VPS54: variants seen among roughly 807,000 people sequenced by gnomAD.
The protein encoded by VPS54 is vacuolar protein sorting-associated protein 54.
A neutral mutation model predicts 121.5 loss-of-function variants in VPS54; 45 were observed. The ratio of observed to expected loss-of-function variants is 0.37; its 90% CI spans 0.29 to 0.47. VPS54 has a LOEUF of 0.47. VPS54 is among the 20% of genes least tolerant of loss of function. The probability of loss-of-function intolerance (pLI) is 0.99; values close to 1 mark genes in which losing one functional copy is unlikely to be tolerated. For missense variants in VPS54, 1,090 were observed against 1,131.4 expected (o/e 0.96, Z 0.52); for synonymous variants, 371 against 385.8 (o/e 0.96, Z 0.45).
At chr2:63,931,232 T>C (rs1019654554) in intron 12 of VPS54, among the ~76,000 whole-genome samples, 1 of 152,174 alleles carries the variant, frequency 6.6e-6, no homozygotes, top group South Asian at 2.1e-4. Flanking sequence ...GCTGGAGGCA[T>C]CATGCTACCT....
rs754223132 is a variant in VPS54, at chr2:63,933,758, C to A, written c.1654G>T (p.Val552Leu). ...TCAGTAGTACATTCTGGCTCGGATA[C>A]AGAATCACTGCTGCAGGGCTCACTA... is the stretch of plus-strand genomic sequence containing the variant. ...PNSEPCSSDS[V>L]SEPECTTDSS... is the part of the protein sequence containing the mutation. Residue 552 changes from valine to leucine, a missense_variant, in exon 12 of 23, where the codon GTA (valine) becomes TTA (leucine). Physicochemically the swap from Val to Leu is conservative, Grantham distance 32. Coordinates refer to ENST00000272322, the MANE Select transcript of VPS54 (RefSeq NM_016516.3). 7 of 1,613,868 alleles carry A rather than the reference C, an allele frequency of 4.3e-6. No homozygotes were observed. In the South Asian group the frequency reaches 6.6e-5, roughly 15 times the overall value.
At chr2:64,010,868 T>C (rs957666316) in intron 1 of VPS54, among the ~76,000 whole-genome samples, 2 of 152,180 alleles carry the variant, frequency 1.3e-5, no homozygotes, top group African/African-American at 4.8e-5. Flanking sequence ...TAAAGAAGTA[T>C]GGAAGAGGCT....
chr2:63,949,541 A>G (rs1267727309), intron 7 of VPS54, among the ~76,000 whole-genome samples: 1 of 152,238 alleles, frequency 6.6e-6, no homozygotes. Flanking sequence ...CATATACTAT[A>G]TTCTTACAAT....
chr2:63,967,015 T>C (rs999189771), intron 5 of VPS54, among the ~76,000 whole-genome samples: 5 of 152,222 alleles, frequency 3.3e-5, no homozygotes, highest in African/African-American at 9.6e-5. Context: ...TACTTAATTA[T>C]TTACCTCATA....
intron 3 of VPS54, chr2:63,975,530 C>T (rs6546042): frequency 0.74 from 114,403 of 153,570 alleles, 44,233 homozygotes; most frequent in African/African-American, 0.91. Context: ...ACCCTGTACT[C>T]GACGGATCAG....
At chr2:63,945,814 C>A (rs1352619437) in intron 9 of VPS54, among the ~76,000 whole-genome samples, 1 of 152,096 alleles carries the variant, frequency 6.6e-6, no homozygotes, top group Non-Finnish European at 1.5e-5. Flanking sequence ...AGTTACATTT[C>A]CTTGTGATAC....
At chr2:63,968,833 GC>G in intron 5 of VPS54, 123 bp downstream of exon 5, 1 of 738,104 alleles carries the variant, frequency 1.4e-6, no homozygotes, top group South Asian at 1.6e-5. Context: ...ATGCAACACA[GC>G]CCCACAAGAG....
intron 10 of VPS54, 119 bp from the exon 11 acceptor site, chr2:63,942,680 G>T: frequency 1.3e-6 from 1 of 769,958 alleles, no homozygotes; most frequent in Non-Finnish European, 2.0e-6. Context: ...ATTTCATCTA[G>T]ATACCTAACT....
chr2:63,899,524 T>C lies in VPS54; in HGVS notation c.2683A>G (p.Thr895Ala), dbSNP rs147579709. Reference sequence around the variant, plus strand: ...TCAAATATAGCTTCGTGCATTTTTGTCATTTGCTTACAAATATTCCTGAAA... The same window carrying C: ...TCAAATATAGCTTCGTGCATTTTTGCCATTTGCTTACAAATATTCCTGAAA... ...ACFRNICKQMTKMHEAIFDLL... is the reference protein window; with the variant it reads ...ACFRNICKQMAKMHEAIFDLL... The change falls in exon 21 of 23, where the codon ACA (threonine) becomes GCA (alanine). Residue 895 changes from threonine to alanine, a missense_variant. Physicochemically the swap from Thr to Ala is moderately conservative, Grantham distance 58. Transcript: ENST00000272322. The C allele has an allele frequency of 1.2e-6, 2 of 1,613,834 alleles. No individual in the cohort carries two copies. Among genetic ancestry groups the C allele is most frequent in the African/African-American group, 2.7e-5 (2 of 74,926 alleles).
intron 17 of VPS54, 60 bp from the exon 18 acceptor site, chr2:63,913,370 G>C (rs963181279): frequency 8.0e-7 from 1 of 1,251,054 alleles, no homozygotes; most frequent in Non-Finnish European, 1.1e-6. Context: ...TTATATCCTG[G>C]CAATGTGCTA....
intron 20 of VPS54, among the ~76,000 whole-genome samples, chr2:63,902,630 CTG>C (rs1457545451): frequency 1.3e-5 from 2 of 152,052 alleles, no homozygotes; most frequent in East Asian, 3.9e-4. Flanking sequence ...CAGAACCAGA[CTG>C]AGAGAGAATC....
At chr2:63,996,268 C>T (rs541554421) in intron 1 of VPS54, among the ~76,000 whole-genome samples, 1 of 152,300 alleles carries the variant, frequency 6.6e-6, no homozygotes, top group South Asian at 2.1e-4. Context: ...CCTGTCTTTA[C>T]TGCAGTCTCT....
chr2:63,912,520 G>C lies in VPS54; in HGVS notation c.2544+20C>G, dbSNP rs755953054. 3 of 1,611,602 alleles carry C rather than the reference G, an allele frequency of 1.9e-6. No individual in the cohort carries two copies. The highest frequency in any genetic ancestry group is 1.7e-5 in the Admixed American group (1 of 59,316). ...GATCTAAACTTATGAAACGCCAATAGAAAATATATGAAAAAGTACCTTAGT... is the reference window on the plus strand; with the variant it reads ...GATCTAAACTTATGAAACGCCAATACAAAATATATGAAAAAGTACCTTAGT... On this transcript the variant is annotated intron_variant, in intron 19 of 22. Transcript: ENST00000272322.
At chr2:63,986,562 A>G (rs184929436) in intron 1 of VPS54, among the ~76,000 whole-genome samples, 21 of 152,384 alleles carry the variant, frequency 1.4e-4, no homozygotes, top group African/African-American at 5.0e-4. Flanking sequence ...TACTGCTGCA[A>G]TAAATATGGA....
At chr2:64,010,865 G>A (rs1678396104) in intron 1 of VPS54, among the ~76,000 whole-genome samples, 1 of 152,158 alleles carries the variant, frequency 6.6e-6, no homozygotes, top group South Asian at 2.1e-4. Context: ...CATTAAAGAA[G>A]TATGGAAGAG....
At chr2:63,978,356 G>A (rs528127883) in intron 3 of VPS54, among the ~76,000 whole-genome samples, 1 of 152,078 alleles carries the variant, frequency 6.6e-6, no homozygotes, top group African/African-American at 2.4e-5. Context: ...AGAAGCATAC[G>A]GTACAATATT....
chr2:64,011,545 A>G (rs1559058319), intron 1 of VPS54, among the ~76,000 whole-genome samples: 1 of 152,128 alleles, frequency 6.6e-6, no homozygotes, highest in Non-Finnish European at 1.5e-5. Context: ...CAGCTTAGCA[A>G]CAGAGCCAGA....
chr2:64,016,608 A>G (rs1453276930), intron 1 of VPS54, among the ~76,000 whole-genome samples: 1 of 87,336 alleles, frequency 1.1e-5, no homozygotes, highest in Non-Finnish European at 2.0e-5. Context: ...ACTGAATTGT[A>G]TATTTTTTTT....
rs576211604 is a variant in VPS54 at position 63,919,568 on chromosome 2, C to A, written c.2164+315G>T. ...CATCATTTGTATAAAAATTCCTTAA[C>A]CCTTCTAAGCCTCAAGCCTCCTCAC... On this transcript the variant is annotated intron_variant, in intron 15 of 22. Coordinates refer to ENST00000272322, the MANE Select transcript of VPS54 (RefSeq NM_016516.3). Among the ~76,000 whole-genome samples the A allele has an allele frequency of 3.0e-4, 46 of 152,146 alleles. No homozygotes were observed. In the South Asian group the frequency reaches 8.9e-3, roughly 29 times the overall value.
Sources: gnomAD v4.1 joint callset for allele counts (sites outside exome capture counted in the v4.1 genomes callset) on GRCh38, gnomAD v4.1.1 for gene constraint, MANE v1.5 for transcripts, NCBI Gene and HGNC (gene_info 2026-07-23, HGNC 2026-07-21) for gene names.